MREG: variants seen among roughly 807,000 people sequenced by gnomAD.
MREG encodes the protein dilute suppressor protein homolog.
A neutral mutation model predicts 28.5 loss-of-function variants in MREG; 31 were observed. The observed-to-expected ratio is 1.09, with a 90% CI of 0.82 to 1.47. The LOEUF is 1.47. MREG is among the 40% of genes most tolerant of loss of function. The pLI is 0.00. For missense variants in MREG, 256 were observed against 257.4 expected (o/e 0.99, Z 0.04); for synonymous variants, 106 against 95.2 (o/e 1.11, Z -0.66).
chr2:216,022,670 C>T (rs908929520), intron 1 of MREG, among the ~76,000 whole-genome samples: 2 of 152,158 alleles, frequency 1.3e-5, no homozygotes, highest in Non-Finnish European at 2.9e-5. Flanking sequence ...TTCCTACCTC[C>T]GGAAGACAAG....
At chr2:216,033,509 AAAATAAG>A (rs1694744117), upstream of MREG, among the ~76,000 whole-genome samples, 1 of 152,170 alleles carries the variant, frequency 6.6e-6, no homozygotes, top group Admixed American at 6.5e-5. Flanking sequence ...AGAAAAGGGC[AAAATAAG>A]CAGAGAGAAA....
At chr2:215,951,394 AAAC>A (rs1313589662) in intron 2 of MREG, among the ~76,000 whole-genome samples, 1 of 152,228 alleles carries the variant, frequency 6.6e-6, no homozygotes, top group African/African-American at 2.4e-5. Context: ...AATAATTTGA[AAAC>A]AACAGTTAAA....
upstream of MREG, among the ~76,000 whole-genome samples, chr2:216,017,995 A>G (rs1192480915): frequency 2.5e-5 from 3 of 118,384 alleles, no homozygotes; most frequent in Non-Finnish European, 5.2e-5. Flanking sequence ...TACTAAAAAT[A>G]CAAAAAAAAA....
At chr2:215,996,489 T>C (rs1309493664) in intron 1 of MREG, 24 bp from the exon 2 acceptor site, 29 of 1,589,902 alleles carry the variant, frequency 1.8e-5, no homozygotes, top group Non-Finnish European at 2.4e-5. Context: ...AAAGGAAAGA[T>C]TGGGGTTTTA....
At chr2:215,972,903 G>C (rs1173135535) in intron 2 of MREG, among the ~76,000 whole-genome samples, 1 of 152,132 alleles carries the variant, frequency 6.6e-6, no homozygotes, top group Admixed American at 6.6e-5. Context: ...ACCCCTCACT[G>C]AATTCCTCTG....
intron 2 of MREG, among the ~76,000 whole-genome samples, chr2:215,995,199 G>A (rs1693834154): frequency 6.6e-6 from 1 of 152,204 alleles, no homozygotes; most frequent in Admixed American, 6.5e-5. Flanking sequence ...TGGGCAGCCA[G>A]AGGTAGTGGG....
At chr2:216,005,831 A>G (rs1694138877) in intron 1 of MREG, among the ~76,000 whole-genome samples, 1 of 127,910 alleles carries the variant, frequency 7.8e-6, no homozygotes, top group Non-Finnish European at 1.5e-5. Flanking sequence ...CAAGTTTTTA[A>G]AAGATTTTTG....
chr2:215,995,816 T>C (rs953180794), intron 2 of MREG, among the ~76,000 whole-genome samples: 1 of 152,082 alleles, frequency 6.6e-6, no homozygotes, highest in African/African-American at 2.4e-5. Flanking sequence ...TCACAAGAAG[T>C]ATCTCAAATA....
At chr2:215,975,366 C>T (rs756627451) in intron 2 of MREG, among the ~76,000 whole-genome samples, 3 of 152,112 alleles carry the variant, frequency 2.0e-5, no homozygotes, top group Non-Finnish European at 4.4e-5. Context: ...ATAACCATAA[C>T]TTTGTTTAGC....
At chr2:216,000,036 G>A (rs73072187) in intron 1 of MREG, among the ~76,000 whole-genome samples, 2,534 of 152,314 alleles carry the variant, frequency 0.017, 72 homozygotes, top group African/African-American at 0.058. Context: ...GAGAAGTGTC[G>A]ATAACATGAA....
intron 1 of MREG, among the ~76,000 whole-genome samples, chr2:216,011,119 G>A (rs1364659362): frequency 6.6e-6 from 1 of 150,638 alleles, no homozygotes; most frequent in Non-Finnish European, 1.5e-5. Context: ...AAAAATAGTG[G>A]TGATTGTTGC....
chr2:215,945,605 CTTG>C lies in MREG; in HGVS notation c.473_475del (p.Thr158del). The C allele has an allele frequency of 6.2e-7, 1 of 1,613,966 alleles. No individual in the cohort carries two copies. The highest frequency in any genetic ancestry group is 1.7e-5 in the Admixed American group (1 of 60,018). ...GAGATATCTCTCTGAGAGCTCCCAACTTGTTGGGAAAATATTGGTTTCTTCAGC... is the reference window on the plus strand; with the variant it reads ...GAGATATCTCTCTGAGAGCTCCCAACTTGGGAAAATATTGGTTTCTTCAGC... On this transcript the variant is annotated inframe_deletion, in exon 4 of 5. Transcript: ENST00000263268.
At chr2:215,968,167 G>A (rs765166529) in intron 2 of MREG, among the ~76,000 whole-genome samples, 4 of 152,106 alleles carry the variant, frequency 2.6e-5, no homozygotes, top group Non-Finnish European at 4.4e-5. Flanking sequence ...GTCAGCCAAA[G>A]GTCACACAGC....
chr2:216,026,027 A>AACTC (rs1322385768), intron 1 of MREG, among the ~76,000 whole-genome samples: 1 of 152,174 alleles, frequency 6.6e-6, no homozygotes, highest in Non-Finnish European at 1.5e-5. Flanking sequence ...ACATGATGAA[A>AACTC]ACTCTTCCCT....
intron 1 of MREG, among the ~76,000 whole-genome samples, chr2:216,005,444 C>CTGTTTTT (rs1382925358): frequency 1.2e-5 from 1 of 86,306 alleles, no homozygotes; most frequent in Non-Finnish European, 2.4e-5. Context: ...TCTAGTTATT[C>CTGTTTTT]TTTTTTTTTT....
intron 2 of MREG, among the ~76,000 whole-genome samples, chr2:215,992,937 A>G (rs566309642): frequency 7.9e-5 from 12 of 152,344 alleles, no homozygotes; most frequent in African/African-American, 2.9e-4. Context: ...ACAGAAAAAC[A>G]TTCCATGCTC....
chr2:216,001,858 C>A (rs764796072), intron 1 of MREG, among the ~76,000 whole-genome samples: 5 of 152,138 alleles, frequency 3.3e-5, no homozygotes, highest in Non-Finnish European at 5.9e-5. Context: ...GAGAAGCCTA[C>A]AGCAAATGGC....
chr2:216,023,931 G>A (rs1350445897), intron 1 of MREG, among the ~76,000 whole-genome samples: 1 of 152,164 alleles, frequency 6.6e-6, no homozygotes. Context: ...GCCTGCCAAA[G>A]TGCTGGGATT....
upstream of MREG, among the ~76,000 whole-genome samples, chr2:216,017,220 T>C (rs74462068): frequency 3.7e-4 from 57 of 152,362 alleles, no homozygotes; most frequent in East Asian, 0.01. Flanking sequence ...GCTTTTTCTA[T>C]TTAATAATAT....
Sources: gnomAD v4.1 joint callset for allele counts (sites outside exome capture counted in the v4.1 genomes callset) on GRCh38, gnomAD v4.1.1 for gene constraint, MANE v1.5 for transcripts, NCBI Gene and HGNC (gene_info 2026-07-23, HGNC 2026-07-21) for gene names.